NAALADL2: variants seen among roughly 807,000 people sequenced by gnomAD.
NAALADL2 encodes N-acetylated alpha-linked acidic dipeptidase like 2.
In NAALADL2, 76 loss-of-function variants were observed where a neutral mutation model predicts 87.2. The ratio of observed to expected loss-of-function variants is 0.87; its 90% confidence interval spans 0.72 to 1.05. The LOEUF (loss-of-function observed/expected upper bound fraction) is 1.05, where lower values mean the gene tolerates loss of function less well. Ranked by LOEUF, NAALADL2 falls within the 50% of genes least tolerant of loss-of-function variation. The pLI, the probability that NAALADL2 is intolerant of heterozygous loss-of-function variation, is 0.00. For missense variants in NAALADL2, 1,089 were observed against 945.8 expected (o/e 1.15, Z -1.99); for synonymous variants, 354 against 331.0 (o/e 1.07, Z -0.75).
At chr3:175,284,819 C>G (rs1754784314) in intron 4 of NAALADL2, among the ~76,000 whole-genome samples, 1 of 152,100 alleles carries the variant, frequency 6.6e-6, no homozygotes. Flanking sequence ...TACATGTGGT[C>G]TCTGGTCTTA....
At chr3:174,584,680 T>G (rs1716521176) in intron 2 of NAALADL2, among the ~76,000 whole-genome samples, 1 of 152,176 alleles carries the variant, frequency 6.6e-6, no homozygotes, top group African/African-American at 2.4e-5. Flanking sequence ...TCATAAATTT[T>G]TATTTAGTAC....
chr3:175,351,360 A>G (rs780312960), intron 5 of NAALADL2, among the ~76,000 whole-genome samples: 4 of 152,066 alleles, frequency 2.6e-5, no homozygotes, highest in Non-Finnish European at 5.9e-5. Flanking sequence ...GTGTAATTTT[A>G]GTTTCATACA....
chr3:175,519,308 G>C (rs190597630), intron 9 of NAALADL2, among the ~76,000 whole-genome samples: 2,307 of 152,338 alleles, frequency 0.015, 60 homozygotes, highest in African/African-American at 0.052. Flanking sequence ...AGAGATTCTA[G>C]TTGCTATGGC....
intron 5 of NAALADL2, among the ~76,000 whole-genome samples, chr3:175,383,104 A>G (rs929426339): frequency 2.0e-5 from 3 of 152,056 alleles, no homozygotes; most frequent in Non-Finnish European, 4.4e-5. Context: ...TTTTGATACA[A>G]GCATACAATG....
chr3:175,638,833 C>A (rs1420456403), intron 11 of NAALADL2, among the ~76,000 whole-genome samples: 1 of 152,134 alleles, frequency 6.6e-6, no homozygotes, highest in Non-Finnish European at 1.5e-5. Flanking sequence ...TCCATCAAAA[C>A]AAATCCCATA....
At chr3:174,846,023 C>A (rs1183511468) in intron 3 of NAALADL2, among the ~76,000 whole-genome samples, 3 of 152,254 alleles carry the variant, frequency 2.0e-5, no homozygotes, top group South Asian at 2.1e-4. Context: ...AGCAATGTAT[C>A]CACATGGACT....
intron 1 of NAALADL2, among the ~76,000 whole-genome samples, chr3:175,078,542 C>T (rs189602289): frequency 2.0e-4 from 31 of 152,222 alleles, no homozygotes; most frequent in Middle Eastern, 3.4e-3. Flanking sequence ...TTTCATCGTA[C>T]CAAAAATAAA....
chr3:174,890,525 G>A (rs935677438), intron 1 of NAALADL2, among the ~76,000 whole-genome samples: 1 of 152,058 alleles, frequency 6.6e-6, no homozygotes, highest in African/African-American at 2.4e-5. Flanking sequence ...TTCCACATAA[G>A]AAATACAGAC....
At chr3:175,318,883 G>A (rs909155067) in intron 4 of NAALADL2, among the ~76,000 whole-genome samples, 3 of 152,224 alleles carry the variant, frequency 2.0e-5, no homozygotes, top group African/African-American at 7.2e-5. Context: ...AATTATACAG[G>A]AAGCAGCTTT....
At chr3:174,749,317 T>C (rs1411496498) in intron 3 of NAALADL2, among the ~76,000 whole-genome samples, 2 of 152,174 alleles carry the variant, frequency 1.3e-5, no homozygotes, top group Non-Finnish European at 2.9e-5. Context: ...ATATTCAGAA[T>C]GTTAAACTAG....
chr3:175,204,131 G>C (rs1262773527), intron 2 of NAALADL2, among the ~76,000 whole-genome samples: 1 of 151,872 alleles, frequency 6.6e-6, no homozygotes, highest in African/African-American at 2.4e-5. Flanking sequence ...AACCAGGAAG[G>C]GACATAAGCA....
intron 11 of NAALADL2, among the ~76,000 whole-genome samples, chr3:175,681,099 G>A (rs1472255764): frequency 2.0e-5 from 3 of 152,098 alleles, no homozygotes; most frequent in East Asian, 1.9e-4. Context: ...GCGACAGAGC[G>A]AGGCTCTGTC....
intron 4 of NAALADL2, among the ~76,000 whole-genome samples, chr3:175,304,270 A>G (rs192923579): frequency 6.6e-6 from 1 of 152,248 alleles, no homozygotes; most frequent in Non-Finnish European, 1.5e-5. Context: ...TGCGGAAATG[A>G]ATTTATTAGT....
chr3:174,721,166 G>T (rs1731677153), intron 2 of NAALADL2, among the ~76,000 whole-genome samples: 1 of 151,978 alleles, frequency 6.6e-6, no homozygotes, highest in African/African-American at 2.4e-5. Context: ...TGTGAAATAG[G>T]CTGTAACTTT....
intron 5 of NAALADL2, among the ~76,000 whole-genome samples, chr3:175,332,059 C>T (rs1355162974): frequency 1.3e-5 from 2 of 152,078 alleles, no homozygotes; most frequent in African/African-American, 4.8e-5. Context: ...CTCCAAAATA[C>T]TGATGAAATA....
intron 13 of NAALADL2, among the ~76,000 whole-genome samples, chr3:175,759,566 C>G (rs1290030320): frequency 2.6e-5 from 4 of 152,080 alleles, no homozygotes; most frequent in Non-Finnish European, 5.9e-5. Flanking sequence ...CCATGTTGGT[C>G]AGGCTGGTCT....
chr3:174,749,167 G>T (rs748954712), intron 3 of NAALADL2, among the ~76,000 whole-genome samples: 1 of 152,068 alleles, frequency 6.6e-6, no homozygotes, highest in Non-Finnish European at 1.5e-5. Context: ...ATGCTTTGTT[G>T]TGGTTACTTG....
intron 1 of NAALADL2, among the ~76,000 whole-genome samples, chr3:175,044,624 T>C (rs138976955): frequency 2.6e-5 from 4 of 152,286 alleles, no homozygotes; most frequent in Admixed American, 2.6e-4. Context: ...GTGAGAGTGA[T>C]AAGCCTAGTG....
intron 2 of NAALADL2, among the ~76,000 whole-genome samples, chr3:175,146,700 A>G (rs1455975004): frequency 6.6e-6 from 1 of 152,180 alleles, no homozygotes; most frequent in Admixed American, 6.6e-5. Flanking sequence ...CGTGATGCGT[A>G]TATGTTTTCC....
Sources: allele counts gnomAD v4.1 joint callset (sites outside exome capture counted in the v4.1 genomes callset), GRCh38; gene constraint gnomAD v4.1.1; transcripts MANE v1.5; gene names NCBI Gene and HGNC (gene_info 2026-07-23, HGNC 2026-07-21).